PTPRK: variants seen among roughly 807,000 people sequenced by gnomAD.
The protein encoded by PTPRK is receptor-type tyrosine-protein phosphatase kappa.
In PTPRK, 75 loss-of-function variants were observed where a neutral mutation model predicts 178.0. The observed-to-expected ratio is 0.42, with a 90% CI of 0.35 to 0.51. PTPRK has a LOEUF of 0.51. Among genes scored for constraint, PTPRK ranks in the 20% least tolerant of loss-of-function variants. The probability of loss-of-function intolerance (pLI) is 0.02; values close to 1 mark genes in which losing one functional copy is unlikely to be tolerated. For synonymous variants in PTPRK, 637 were observed against 620.6 expected (o/e 1.03, Z -0.39); for missense variants, 1,441 against 1,797.8 (o/e 0.80, Z 3.59).
chr6:128,111,405 A>T (rs1444863456), intron 7 of PTPRK, among the ~76,000 whole-genome samples: 1 of 152,166 alleles, frequency 6.6e-6, no homozygotes, highest in Non-Finnish European at 1.5e-5. Context: ...TAATTATGGA[A>T]GTATTTACTA....
chr6:128,131,630 G>T (rs751579378), intron 7 of PTPRK, among the ~76,000 whole-genome samples: 1 of 152,094 alleles, frequency 6.6e-6, no homozygotes, highest in African/African-American at 2.4e-5. Context: ...AAATTAGGAC[G>T]CCTGCAGAAC....
At chr6:128,213,372 C>G (rs1808599766) in intron 6 of PTPRK, among the ~76,000 whole-genome samples, 1 of 151,950 alleles carries the variant, frequency 6.6e-6, no homozygotes, top group Admixed American at 6.6e-5. Flanking sequence ...CCAAATTTGA[C>G]ACATTTGGTA....
Position 128,440,237 on chromosome 6 carries a change from C to T in PTPRK, c.101-42549G>A, listed in dbSNP as rs9491947. Reference sequence around the variant, plus strand: ...ATTAGCCTTTGGCATCCTTTCACCTCCATTTTCTTGCAAAGCTCCTGCTAC... The same window carrying T: ...ATTAGCCTTTGGCATCCTTTCACCTTCATTTTCTTGCAAAGCTCCTGCTAC... On this transcript the variant is annotated intron_variant, in intron 1 of 29. Coordinates refer to ENST00000368226, the MANE Select transcript of PTPRK (RefSeq NM_002844.4). Among the ~76,000 whole-genome samples the T allele has an allele frequency of 5.0e-3, 761 of 152,264 alleles. 4 individuals are homozygous for T. The highest frequency in any genetic ancestry group is 0.018 in the African/African-American group (738 of 41,556).
rs141428509 is a variant in PTPRK at position 128,397,592 on chromosome 6, T to C, written c.197A>G (p.His66Arg). Residue 66 changes from histidine to arginine, a missense_variant, in exon 2 of 30, where the codon CAT becomes CGT. Physicochemically the swap from His to Arg is conservative, Grantham distance 29 (BLOSUM62 0). Coordinates refer to ENST00000368226, the MANE Select transcript of PTPRK (RefSeq NM_002844.4). Reference sequence around the variant, plus strand: ...TTGGGGCATCTCGGGTGGTAGATAATGAGGCTCTTGAGCACTAACATGCAC... The same window carrying C: ...TTGGGGCATCTCGGGTGGTAGATAACGAGGCTCTTGAGCACTAACATGCAC... ...EWVHVSAQEP[H>R]YLPPEMPQGS... 2,572 of 1,613,882 alleles carry C rather than the reference T, an allele frequency of 1.6e-3. 1 individual carries two copies. Among genetic ancestry groups the C allele is most frequent in the Non-Finnish European group, 2.1e-3 (2,482 of 1,179,948 alleles).
At chr6:128,141,697 T>C (rs1014616828) in intron 7 of PTPRK, among the ~76,000 whole-genome samples, 4 of 151,946 alleles carry the variant, frequency 2.6e-5, no homozygotes, top group Non-Finnish European at 5.9e-5. Context: ...TAGAGATGTA[T>C]TAACTCAATT....
chr6:127,997,033 TA>T, intron 16 of PTPRK, 45 bp from the exon 17 acceptor site: 1 of 1,575,600 alleles, frequency 6.3e-7, no homozygotes, highest in South Asian at 1.1e-5. Context: ...AATTCCTTTT[TA>T]AAAATCAGGT....
At chr6:128,358,458 A>C (rs1834255230) in intron 2 of PTPRK, among the ~76,000 whole-genome samples, 1 of 152,244 alleles carries the variant, frequency 6.6e-6, no homozygotes, top group Admixed American at 6.5e-5. Flanking sequence ...TGCTCCAACC[A>C]CAGGGAAATT....
intron 1 of PTPRK, among the ~76,000 whole-genome samples, chr6:128,504,449 T>A (rs1856030288): frequency 6.6e-6 from 1 of 152,146 alleles, no homozygotes; most frequent in Non-Finnish European, 1.5e-5. Flanking sequence ...CCAGGAAAGA[T>A]CTCAAGTGGA....
At position 128,519,754 on chromosome 6, in the gene PTPRK, G is replaced by A. The variant is rs1311549639; in HGVS notation, c.100+505C>T. Among the ~76,000 whole-genome samples, 1 of 152,208 alleles carries A rather than the reference G, an allele frequency of 6.6e-6. No homozygotes were observed. The highest frequency in any genetic ancestry group is 1.5e-5 in the Non-Finnish European group (1 of 68,038). ...GAAAAGGGGACTCCGGGAGGGACGGGGAAGTAGTTAGACAATAGTCAGGGG... is the reference window on the plus strand; with the variant it reads ...GAAAAGGGGACTCCGGGAGGGACGGAGAAGTAGTTAGACAATAGTCAGGGG... On this transcript the variant is annotated intron_variant, in intron 1 of 29. Transcript: ENST00000368226. The surrounding 1 kb of genome is among the most constrained non-coding windows in gnomAD (Gnocchi z 4.3).
intron 7 of PTPRK, among the ~76,000 whole-genome samples, chr6:128,157,615 C>T (rs976664448): frequency 6.6e-6 from 1 of 151,798 alleles, no homozygotes; most frequent in African/African-American, 2.4e-5. Flanking sequence ...TTTAAAGTAT[C>T]TATAAGGATT....
At chr6:128,001,919 T>C (rs1332170711) in intron 15 of PTPRK, among the ~76,000 whole-genome samples, 3 of 151,894 alleles carry the variant, frequency 2.0e-5, no homozygotes, top group South Asian at 2.1e-4. Context: ...TAGCAGAAGA[T>C]GACATTTTCA....
intron 2 of PTPRK, among the ~76,000 whole-genome samples, chr6:128,386,823 T>C (rs1362142883): frequency 2.0e-5 from 3 of 152,122 alleles, no homozygotes; most frequent in African/African-American, 7.2e-5. Flanking sequence ...ATCCCAGCAC[T>C]TTGGGAGGCC....
At chr6:128,370,037 G>C (rs1179741014) in intron 2 of PTPRK, among the ~76,000 whole-genome samples, 1 of 152,100 alleles carries the variant, frequency 6.6e-6, no homozygotes, top group African/African-American at 2.4e-5. Context: ...GAATGGACAG[G>C]ATACAATAAT....
At chr6:128,016,324 G>C (rs2114742427) in intron 13 of PTPRK, among the ~76,000 whole-genome samples, 1 of 151,988 alleles carries the variant, frequency 6.6e-6, no homozygotes, top group South Asian at 2.1e-4. Flanking sequence ...CGAAGAGTAT[G>C]AGCTAAGTAT....
chr6:128,011,671 G>A (rs550754272), intron 13 of PTPRK, among the ~76,000 whole-genome samples: 2 of 151,198 alleles, frequency 1.3e-5, no homozygotes, highest in South Asian at 4.1e-4. Context: ...GAACTGACAT[G>A]AGGGTGATGG....
chr6:128,353,065 A>G (rs1562339263), intron 2 of PTPRK, among the ~76,000 whole-genome samples: 1 of 152,244 alleles, frequency 6.6e-6, no homozygotes, highest in East Asian at 1.9e-4. Flanking sequence ...CTATTTATTT[A>G]GCAAATGCAG....
chr6:128,111,104 G>A (rs1364732353), intron 7 of PTPRK, among the ~76,000 whole-genome samples: 3 of 151,922 alleles, frequency 2.0e-5, no homozygotes, highest in African/African-American at 7.3e-5. Context: ...ATGTCCTATC[G>A]GTAGGCATAT....
chr6:128,240,203 C>G, intron 4 of PTPRK, 53 bp from the exon 5 acceptor site: 1 of 1,298,390 alleles, frequency 7.7e-7, no homozygotes, highest in South Asian at 1.2e-5. Context: ...AGAAAATATG[C>G]CATGTTACTT....
At chr6:128,498,846 C>T (rs1156857431) in intron 1 of PTPRK, among the ~76,000 whole-genome samples, 1 of 152,104 alleles carries the variant, frequency 6.6e-6, no homozygotes, top group Non-Finnish European at 1.5e-5. Flanking sequence ...TTTTCAATTA[C>T]TGAAATATCT....
Sources: allele counts gnomAD v4.1 joint callset (sites outside exome capture counted in the v4.1 genomes callset), GRCh38; gene constraint gnomAD v4.1.1; non-coding constraint Gnocchi (gnomAD v3.1); transcripts MANE v1.5; gene names NCBI Gene and HGNC (gene_info 2026-07-23, HGNC 2026-07-21).